Variants in DLG2 observed in about 807,000 individuals in gnomAD.
DLG2 encodes the protein discs large MAGUK scaffold protein 2.
A neutral mutation model predicts 132.5 loss-of-function variants in DLG2; 45 were observed. The ratio of observed to expected loss-of-function variants is 0.34; its 90% CI spans 0.27 to 0.44. The LOEUF is 0.44. Ranked by LOEUF, DLG2 falls within the 20% of genes least tolerant of loss-of-function variation. The pLI is 1.00. For synonymous variants in DLG2, 424 were observed against 419.6 expected (o/e 1.01, Z -0.13); for missense variants, 1,045 against 1,196.9 (o/e 0.87, Z 1.87).
At chr11:84,268,552 C>T (rs1189446258) in intron 7 of DLG2, among the ~76,000 whole-genome samples, 1 of 151,512 alleles carries the variant, frequency 6.6e-6, no homozygotes, top group Non-Finnish European at 1.5e-5. Flanking sequence ...AGCTCCACCT[C>T]CCAGGTTCAC....
rs187305466 is a variant in DLG2 at position 84,732,723 on chromosome 11, C to T, written c.358-197992G>A. 1.3e-3 allele frequency among the ~76,000 whole-genome samples: 191 copies of T among 151,950 alleles called. 1 individual carries two copies. The highest frequency in any genetic ancestry group is 9.2e-4 in the Admixed American group (14 of 15,250). On this transcript the variant is annotated intron_variant, in intron 6 of 27. Coordinates refer to ENST00000376104, the MANE Select transcript of DLG2 (RefSeq NM_001142699.3). The stretch of plus-strand genomic sequence containing the variant: ...GGTTGTTATGTATGTATACATGTGC[C>T]ATGTTGGTGTGCTGCACCCATTAAC...
At chr11:85,181,215 TGTATAC>T (rs1812110425) in intron 4 of DLG2, among the ~76,000 whole-genome samples, 1 of 151,570 alleles carries the variant, frequency 6.6e-6, no homozygotes, top group Admixed American at 6.6e-5. Flanking sequence ...TATATGTATA[TGTATAC>T]GTATATGTAT....
chr11:83,772,389 G>A (rs2094430257), intron 18 of DLG2, among the ~76,000 whole-genome samples: 1 of 145,868 alleles, frequency 6.9e-6, no homozygotes, highest in Non-Finnish European at 1.5e-5. Flanking sequence ...CAGCCTGGGT[G>A]AGAGAGCAAG....
chr11:85,385,270 A>G (rs559703975), intron 3 of DLG2, among the ~76,000 whole-genome samples: 1 of 152,238 alleles, frequency 6.6e-6, no homozygotes, highest in Admixed American at 6.5e-5. Context: ...ATGTGCTTGA[A>G]TAGGAAATGA....
chr11:85,164,121 A>G (rs1400282315), intron 4 of DLG2, among the ~76,000 whole-genome samples: 1 of 152,202 alleles, frequency 6.6e-6, no homozygotes, highest in African/African-American at 2.4e-5. Context: ...TATGCAGATC[A>G]AAGTCTCTCA....
intron 6 of DLG2, among the ~76,000 whole-genome samples, chr11:84,741,130 G>A (rs1049118065): frequency 4.3e-4 from 62 of 142,916 alleles, no homozygotes; most frequent in East Asian, 3.9e-3. Flanking sequence ...GCTGTGGCGC[G>A]ATCTCCGCTC....
intron 6 of DLG2, among the ~76,000 whole-genome samples, chr11:84,565,279 G>C (rs1488267402): frequency 6.6e-6 from 1 of 152,092 alleles, no homozygotes; most frequent in East Asian, 1.9e-4. Context: ...GGAAGCATGG[G>C]ATGTCAAAAG....
At chr11:85,431,908 T>C (rs1267072770) in intron 3 of DLG2, among the ~76,000 whole-genome samples, 1 of 152,136 alleles carries the variant, frequency 6.6e-6, no homozygotes, top group Non-Finnish European at 1.5e-5. Flanking sequence ...ACAGGAGTGT[T>C]CCTACTGGCA....
At chr11:85,429,781 A>G (rs1003879638) in intron 3 of DLG2, among the ~76,000 whole-genome samples, 6 of 152,224 alleles carry the variant, frequency 3.9e-5, no homozygotes, top group Non-Finnish European at 7.4e-5. Context: ...TAGTTCAACC[A>G]TTGTGGAAGT....
At chr11:83,498,003 C>T (rs915863900) in intron 21 of DLG2, among the ~76,000 whole-genome samples, 2 of 151,554 alleles carry the variant, frequency 1.3e-5, no homozygotes, top group African/African-American at 4.8e-5. Flanking sequence ...AAAAAGTTAT[C>T]ATCTTATTAC....
intron 22 of DLG2, among the ~76,000 whole-genome samples, chr11:83,476,315 T>A (rs1008956163): frequency 6.6e-6 from 1 of 152,068 alleles, no homozygotes; most frequent in Admixed American, 6.6e-5. Flanking sequence ...CACAAACTGA[T>A]CATTGCCGGG....
At chr11:85,211,701 C>A (rs1335069753) in intron 4 of DLG2, among the ~76,000 whole-genome samples, 1 of 152,066 alleles carries the variant, frequency 6.6e-6, no homozygotes, top group East Asian at 1.9e-4. Context: ...AAAATGGTCC[C>A]ATGCAAATAT....
At chr11:84,773,579 C>A (rs771855317) in intron 6 of DLG2, among the ~76,000 whole-genome samples, 3 of 152,158 alleles carry the variant, frequency 2.0e-5, no homozygotes, top group Admixed American at 6.5e-5. Flanking sequence ...CCACCACGAT[C>A]AAGTAGGTTT....
chr11:84,791,553 T>G (rs2073846826), intron 6 of DLG2, among the ~76,000 whole-genome samples: 1 of 152,210 alleles, frequency 6.6e-6, no homozygotes, highest in South Asian at 2.1e-4. Context: ...TTAACAACAT[T>G]GATTCTTCCA....
chr11:84,137,099 G>A (rs1300695743), intron 9 of DLG2, among the ~76,000 whole-genome samples: 1 of 152,172 alleles, frequency 6.6e-6, no homozygotes, highest in Non-Finnish European at 1.5e-5. Flanking sequence ...TATGCAGTAT[G>A]TCTTTGGCTA....
intron 7 of DLG2, among the ~76,000 whole-genome samples, chr11:84,511,314 T>C (rs181120358): frequency 8.3e-4 from 126 of 152,238 alleles, no homozygotes; most frequent in Admixed American, 1.6e-3. Context: ...CAAATATGAA[T>C]GCATGTATGA....
intron 7 of DLG2, among the ~76,000 whole-genome samples, chr11:84,530,869 A>G (rs978105744): frequency 2.0e-5 from 3 of 152,234 alleles, no homozygotes; most frequent in Non-Finnish European, 4.4e-5. Flanking sequence ...GCAAGGAATC[A>G]ACCTAAATGC....
At chr11:85,174,642 T>G (rs1566968075) in intron 4 of DLG2, among the ~76,000 whole-genome samples, 1 of 151,808 alleles carries the variant, frequency 6.6e-6, no homozygotes, top group South Asian at 2.1e-4. Context: ...GACAGAGACA[T>G]GAAAAACCCT....
At chr11:84,764,803 T>C (rs975242765) in intron 6 of DLG2, among the ~76,000 whole-genome samples, 16 of 151,896 alleles carry the variant, frequency 1.1e-4, no homozygotes, top group African/African-American at 3.9e-4. Context: ...ATTCTGGGAG[T>C]AACGGGTAGC....
Sources: gnomAD v4.1 joint callset for allele counts (sites outside exome capture counted in the v4.1 genomes callset) on GRCh38, gnomAD v4.1.1 for gene constraint, MANE v1.5 for transcripts, NCBI Gene and HGNC (gene_info 2026-07-23, HGNC 2026-07-21) for gene names.